Variants in FDFT1 observed in about 807,000 individuals in gnomAD.
FDFT1 encodes farnesyl-diphosphate farnesyltransferase 1.
Under a neutral mutation model 46.8 loss-of-function variants are expected in FDFT1, and 68 were observed. The ratio of observed to expected loss-of-function variants is 1.45; its 90% CI spans 1.19 to 1.78. The LOEUF (loss-of-function observed/expected upper bound fraction) is 1.78. Among genes scored for constraint, FDFT1 ranks in the 40% most tolerant of loss-of-function variants. The pLI is 0.00. For synonymous variants in FDFT1, 351 were observed against 185.1 expected (o/e 1.90, Z -7.28); for missense variants, 928 against 524.4 (o/e 1.77, Z -7.52).
chr8:11,825,004 G>A (rs1809770066), intron 4 of FDFT1, among the ~76,000 whole-genome samples: 1 of 151,978 alleles, frequency 6.6e-6, no homozygotes, highest in Admixed American at 6.6e-5. Context: ...CAAAGTGCTG[G>A]GATTACAGGC....
Position 11,829,234 on chromosome 8 carries a change from C to A in FDFT1, c.703-1010C>A, listed in dbSNP as rs556253023. The stretch of plus-strand genomic sequence containing the variant: ...CATAATAGAGAATTTGCCATTTTAA[C>A]TATTTTTAAGTCTATTATTCAGTGG... On this transcript the variant is annotated intron_variant, in intron 5 of 7. Transcript: ENST00000220584. Among the ~76,000 whole-genome samples, 12 of 152,316 alleles carry A rather than the reference C, an allele frequency of 7.9e-5. No homozygotes were observed. In the South Asian group the frequency reaches 2.5e-3, roughly 32 times the overall value.
At chr8:11,800,259 TCAAAAAAAAAAAAAA>T (rs1404196740), upstream of FDFT1, among the ~76,000 whole-genome samples, 1 of 47,488 alleles carries the variant, frequency 2.1e-5, no homozygotes, top group African/African-American at 1.0e-4. Flanking sequence ...AAATTCTGTC[TCAAAAAAAAAAAAAA>T]AAAAAAAAAA....
At chr8:11,809,121 G>C (rs1205350294) in intron 2 of FDFT1, 1 of 1,312,796 alleles carries the variant, frequency 7.6e-7, no homozygotes, top group Admixed American at 3.5e-5. Flanking sequence ...GGGAGGGGGT[G>C]ATGTTTATTA....
chr8:11,823,365 A>G (rs1162461794), intron 4 of FDFT1, among the ~76,000 whole-genome samples: 1 of 152,200 alleles, frequency 6.6e-6, no homozygotes, highest in Non-Finnish European at 1.5e-5. Flanking sequence ...TTTGGATAGT[A>G]CTATAGATAT....
intron 4 of FDFT1, among the ~76,000 whole-genome samples, chr8:11,825,710 TA>T (rs894442581): frequency 6.7e-6 from 1 of 150,194 alleles, no homozygotes; most frequent in African/African-American, 2.4e-5. Context: ...AAAATAAAAA[TA>T]AAAAAATGTT....
chr8:11,834,036 T>C (rs1011562632), intron 7 of FDFT1, among the ~76,000 whole-genome samples: 1 of 152,240 alleles, frequency 6.6e-6, no homozygotes, highest in East Asian at 1.9e-4. Flanking sequence ...GTCTGGCCTC[T>C]TGCTGGTGTC....
At chr8:11,812,159 G>A (rs1270255422) in intron 3 of FDFT1, among the ~76,000 whole-genome samples, 1 of 152,192 alleles carries the variant, frequency 6.6e-6, no homozygotes, top group Non-Finnish European at 1.5e-5. Flanking sequence ...AGGGGTGAGG[G>A]ATCACTGGGG....
chr8:11,814,319 G>C (rs752839047), intron 3 of FDFT1, among the ~76,000 whole-genome samples: 1 of 128,680 alleles, frequency 7.8e-6, no homozygotes, highest in Non-Finnish European at 1.5e-5. Flanking sequence ...TTTTTTTTTG[G>C]AGGGACATGG....
chr8:11,831,501 C>A lies in FDFT1; in HGVS notation c.880-17C>A, dbSNP rs780284106. On this transcript the variant is annotated splice_polypyrimidine_tract_variant and intron_variant, in intron 6 of 7. Transcript: ENST00000220584. ...ACATCATTTCTTCTTTTTTCCCTCT[C>A]TTCTTGTTGTCTCTAGGTGATGGCC... The A allele has an allele frequency of 1.3e-6, 2 of 1,524,496 alleles. No individual in the cohort carries two copies. Among genetic ancestry groups the A allele is most frequent in the African/African-American group, 1.3e-5 (1 of 74,190 alleles). The allele number at this position is 1,524,496 out of a possible 1,614,324, so 94.4% of individuals were successfully genotyped here. A position where few individuals can be genotyped will look rare whatever the true frequency, so the allele number is the denominator to read the frequency against.
chr8:11,822,952 T>C (rs970460676), intron 4 of FDFT1, among the ~76,000 whole-genome samples: 31 of 152,194 alleles, frequency 2.0e-4, no homozygotes, highest in African/African-American at 5.1e-4. Context: ...TCAGATAAAA[T>C]TGAATTAAAA....
rs187591619 is a variant in FDFT1 at position 11,832,715 on chromosome 8, G to A, written c.1032+1045G>A. ...GGAGACATTTTTGATTGTCCTAACC[G>A]GCAGGAATCGGGTGCTACTGGCATC... On this transcript the variant is annotated intron_variant, in intron 7 of 7. Transcript: ENST00000220584. Among the ~76,000 whole-genome samples the A allele has an allele frequency of 2.6e-5, 4 of 152,126 alleles. No individual in the cohort carries two copies. In the East Asian group the frequency reaches 7.7e-4, roughly 29 times the overall value.
chr8:11,804,372 G>C (rs945218404), intron 1 of FDFT1, among the ~76,000 whole-genome samples: 24 of 152,196 alleles, frequency 1.6e-4, no homozygotes, highest in African/African-American at 5.6e-4. Context: ...TAAGTGGGTA[G>C]AGAAAGACTT....
At chr8:11,802,592 A>T, upstream of FDFT1, 1 of 619,538 alleles carries the variant, frequency 1.6e-6, no homozygotes, top group Non-Finnish European at 3.0e-6. Context: ...GGGTCTTCCT[A>T]GTGTGAGCGG....
At chr8:11,800,486 T>C (rs988788663), upstream of FDFT1, among the ~76,000 whole-genome samples, 5 of 151,972 alleles carry the variant, frequency 3.3e-5, no homozygotes, top group East Asian at 1.9e-4. Context: ...TTTGTCCCGA[T>C]TGGCTAGCAA....
At chr8:11,802,705 C>G, upstream of FDFT1, 1 of 709,704 alleles carries the variant, frequency 1.4e-6, no homozygotes, top group South Asian at 1.8e-5. Context: ...CGGGGCGTCG[C>G]CGTACTAGGC....
At chr8:11,814,306 T>TTTA in intron 3 of FDFT1, among the ~76,000 whole-genome samples, 1 of 152,006 alleles carries the variant, frequency 6.6e-6, no homozygotes, top group African/African-American at 2.4e-5. Flanking sequence ...ATAGGTTTTT[T>TTTA]TTTTTTTTTT....
intron 3 of FDFT1, among the ~76,000 whole-genome samples, chr8:11,820,844 C>T (rs1809134311): frequency 6.6e-6 from 1 of 152,214 alleles, no homozygotes. Context: ...GACGTCCTGC[C>T]CTGCTTTGGC....
intron 4 of FDFT1, among the ~76,000 whole-genome samples, chr8:11,824,083 A>C (rs780366646): frequency 1.3e-5 from 2 of 151,638 alleles, no homozygotes; most frequent in Non-Finnish European, 2.9e-5. Context: ...GGCTGGTCTA[A>C]AACTCTTGGG....
chr8:11,835,020 A>G (rs1007564697), intron 7 of FDFT1, among the ~76,000 whole-genome samples: 1 of 152,124 alleles, frequency 6.6e-6, no homozygotes, highest in Non-Finnish European at 1.5e-5. Flanking sequence ...GCTATTCCGG[A>G]GCCTGAGACA....
Sources: gnomAD v4.1 joint callset for allele counts (sites outside exome capture counted in the v4.1 genomes callset) on GRCh38, gnomAD v4.1.1 for gene constraint, MANE v1.5 for transcripts, NCBI Gene and HGNC (gene_info 2026-07-23, HGNC 2026-07-21) for gene names.